The following IL4R variants were observed in gnomAD, a reference collection of about 807,000 sequenced individuals.
IL4R encodes the protein interleukin-4 receptor subunit alpha.
IL4R carries 17 observed loss-of-function variants against 41.5 expected under a neutral mutation model. The ratio of observed to expected loss-of-function variants is 0.41; its 90% CI spans 0.28 to 0.61. The LOEUF is 0.61. Ranked by LOEUF, IL4R falls within the 20% of genes least tolerant of loss-of-function variation. IL4R has a pLI of 0.31. For missense variants in IL4R, 974 were observed against 1,043.1 expected (o/e 0.93, Z 0.91); for synonymous variants, 402 against 422.9 (o/e 0.95, Z 0.61).
chr16:27,348,797 C>T (rs2085760992), intron 6 of IL4R, among the ~76,000 whole-genome samples: 1 of 152,142 alleles, frequency 6.6e-6, no homozygotes, highest in Non-Finnish European at 1.5e-5. Flanking sequence ...TCAGCTCCAT[C>T]CAAACCAGAT....
At chr16:27,338,776 C>T (rs2085342500) in intron 2 of IL4R, among the ~76,000 whole-genome samples, 1 of 152,086 alleles carries the variant, frequency 6.6e-6, no homozygotes, top group Non-Finnish European at 1.5e-5. Flanking sequence ...AATGGGCTCT[C>T]ACCAGATCTG....
chr16:27,328,178 G>C (rs1462585170), intron 1 of IL4R, among the ~76,000 whole-genome samples: 11 of 124,550 alleles, frequency 8.8e-5, no homozygotes, highest in Non-Finnish European at 1.4e-4. Context: ...CTGCACTCCA[G>C]ACTGGTGACA....
Position 27,325,434 on chromosome 16 carries a change from C to T in IL4R, c.-151-4632C>T, listed in dbSNP as rs1379344433. 2.0e-5 allele frequency among the ~76,000 whole-genome samples: 3 copies of T among 152,030 alleles called. No homozygotes were observed. The South Asian group carries it at 6.2e-4, about 32-fold the overall frequency. Reference sequence around the variant, plus strand: ...TAAAAATACAAAAAAATTAGCTGGGCGTTGTTGTGGGCACCTGTAGTCCCA... The same window carrying T: ...TAAAAATACAAAAAAATTAGCTGGGTGTTGTTGTGGGCACCTGTAGTCCCA... On this transcript the variant is annotated intron_variant, in intron 1 of 10. Coordinates refer to ENST00000395762, the MANE Select transcript of IL4R (RefSeq NM_000418.4).
At chr16:27,320,599 A>G (rs2084786370) in intron 1 of IL4R, among the ~76,000 whole-genome samples, 1 of 152,186 alleles carries the variant, frequency 6.6e-6, no homozygotes, top group Non-Finnish European at 1.5e-5. Flanking sequence ...GCATTTAACC[A>G]CGGTTCTGAG....
chr16:27,361,500 G>T (rs912940943), intron 10 of IL4R, among the ~76,000 whole-genome samples: 4 of 151,930 alleles, frequency 2.6e-5, no homozygotes, highest in Admixed American at 6.5e-5. Flanking sequence ...TCGCTGTGTT[G>T]CCCCGCCACT....
At chr16:27,356,659 C>T (rs1273296328) in intron 8 of IL4R, among the ~76,000 whole-genome samples, 1 of 152,010 alleles carries the variant, frequency 6.6e-6, no homozygotes, top group African/African-American at 2.4e-5. Flanking sequence ...ACGCTGGGTG[C>T]CTGGGCAACT....
In IL4R at chr16:27,336,602, C is replaced by T. The variant is rs555811268; in HGVS notation, c.-18-3584C>T. On this transcript the variant is annotated intron_variant, in intron 2 of 10. Transcript: ENST00000395762. ...CTGAGGTGGGAAGATTGCTTGAGCC[C>T]GGGAGGTGGAGGTTGCAGGGAGTCG... is the stretch of plus-strand genomic sequence containing the variant. Among the ~76,000 whole-genome samples the T allele has an allele frequency of 8.1e-5, 12 of 147,888 alleles. No homozygotes were observed. In the East Asian group the frequency reaches 1.4e-3, roughly 18 times the overall value.
At position 27,352,590 on chromosome 16, in the gene IL4R, C is replaced by T. The variant is rs2085916092; in HGVS notation, c.564C>T (p.Ala188=). ...TAGAACCCTCCCTCCGCATCGCAGCCAGCACCCTGAAGTCTGGGATTTCCT... is the reference window on the plus strand; with the variant it reads ...TAGAACCCTCCCTCCGCATCGCAGCTAGCACCCTGAAGTCTGGGATTTCCT... ...TYLEPSLRIA[A]STLKSGISYR... is the part of the protein sequence containing the mutation. The change falls in exon 7 of 11, where the codon GCC becomes GCT. Residue 188 remains alanine, a synonymous_variant. Coordinates refer to ENST00000395762, the MANE Select transcript of IL4R (RefSeq NM_000418.4). 3.7e-6 allele frequency: 6 copies of T among 1,614,076 alleles called. No individual in the cohort carries two copies. The highest frequency in any genetic ancestry group is 5.1e-6 in the Non-Finnish European group (6 of 1,180,014).
intron 1 of IL4R, among the ~76,000 whole-genome samples, chr16:27,326,997 C>CCCAG (rs1346430679): frequency 3.3e-5 from 5 of 152,170 alleles, no homozygotes; most frequent in Admixed American, 3.3e-4. Context: ...TTCCTGCCAG[C>CCCAG]CCAGCCCAGC....
At chr16:27,331,053 C>T (rs967265131) in intron 2 of IL4R, among the ~76,000 whole-genome samples, 1 of 149,376 alleles carries the variant, frequency 6.7e-6, no homozygotes, top group Admixed American at 6.7e-5. Context: ...CCCACATCCC[C>T]CCAGACTTCT....
At chr16:27,342,409 C>T (rs2085472751) in intron 4 of IL4R, 150 bp downstream of exon 4, 2 of 910,270 alleles carry the variant, frequency 2.2e-6, no homozygotes, top group Non-Finnish European at 3.4e-6. Flanking sequence ...GGTCCCATCT[C>T]CAGGGACATG....
At chr16:27,324,514 C>T (rs1039848362) in intron 1 of IL4R, among the ~76,000 whole-genome samples, 2 of 152,158 alleles carry the variant, frequency 1.3e-5, no homozygotes, top group Admixed American at 6.5e-5. Context: ...TCGACACTGG[C>T]CTTGTGTGAG....
intron 1 of IL4R, among the ~76,000 whole-genome samples, chr16:27,323,081 G>T (rs1159723740): frequency 6.6e-6 from 1 of 152,184 alleles, no homozygotes; most frequent in African/African-American, 2.4e-5. Context: ...AACAGGAAGA[G>T]CTCCATGGGT....
intron 3 of IL4R, chr16:27,340,949 G>A (rs984083751): frequency 3.1e-5 from 13 of 421,000 alleles, no homozygotes; most frequent in Non-Finnish European, 6.0e-5. Flanking sequence ...AGGGAATGTG[G>A]TGGAGGAGAG....
chr16:27,325,166 C>G (rs537497404), intron 1 of IL4R, among the ~76,000 whole-genome samples: 8 of 151,026 alleles, frequency 5.3e-5, no homozygotes, highest in African/African-American at 1.9e-4. Context: ...CTCCCCCTTG[C>G]TCCAGCCAAG....
At chr16:27,350,844 G>C (rs1221202717) in intron 6 of IL4R, among the ~76,000 whole-genome samples, 1 of 152,176 alleles carries the variant, frequency 6.6e-6, no homozygotes, top group African/African-American at 2.4e-5. Flanking sequence ...CTTGCCAGAA[G>C]GGAAAGGGAG....
chr16:27,345,058 GT>G lies in IL4R; in HGVS notation c.361+40del. The G allele has an allele frequency of 7.2e-7, 1 of 1,390,198 alleles. No homozygotes were observed. 86.1% of individuals were successfully genotyped at this position (1,390,198 alleles called of 1,614,324 possible). Reference sequence around the variant, plus strand: ...GAGTGCGGCAGGGGTGGCTGGGTGTGTTCCCACAGCTGCCTGGGCTGAGGGT... The same window carrying G: ...GAGTGCGGCAGGGGTGGCTGGGTGTGTCCCACAGCTGCCTGGGCTGAGGGT... On this transcript the variant is annotated intron_variant, in intron 5 of 10. Coordinates refer to ENST00000395762, the MANE Select transcript of IL4R (RefSeq NM_000418.4). The surrounding 1 kb of genome is among the most constrained non-coding windows in gnomAD (Gnocchi z 4.5).
chr16:27,328,974 C>T, intron 1 of IL4R, among the ~76,000 whole-genome samples: 1 of 152,080 alleles, frequency 6.6e-6, no homozygotes, highest in African/African-American at 2.4e-5. Context: ...GTTGGGATGT[C>T]ATCCTCTCTA....
chr16:27,354,908 C>T (rs2086007427), intron 7 of IL4R: 1 of 416,162 alleles, frequency 2.4e-6, no homozygotes, highest in Non-Finnish European at 5.3e-6. Flanking sequence ...CAGCACAGAA[C>T]CAGGTGCTTG....
Sources: allele counts gnomAD v4.1 joint callset (sites outside exome capture counted in the v4.1 genomes callset), GRCh38; gene constraint gnomAD v4.1.1; non-coding constraint Gnocchi (gnomAD v3.1); transcripts MANE v1.5; gene names NCBI Gene and HGNC (gene_info 2026-07-23, HGNC 2026-07-21).